MAGI3: variants seen among roughly 807,000 people sequenced by gnomAD.
MAGI3 encodes membrane associated guanylate kinase, WW and PDZ domain containing 3.
MAGI3 carries 43 observed loss-of-function variants against 121.8 expected under a neutral mutation model. That is an observed-to-expected ratio of 0.35 (90% CI 0.28 to 0.46). The LOEUF (loss-of-function observed/expected upper bound fraction) is 0.46. MAGI3 is among the 20% of genes least tolerant of loss of function. The pLI is 1.00. For synonymous variants in MAGI3, 553 were observed against 639.3 expected, an observed-to-expected ratio of 0.86 and a Z score of 2.04; for missense variants, 1,547 against 1,797.3, an observed-to-expected ratio of 0.86 and a Z score of 2.52.
chr1:113,493,367 T>TA (rs2101585518), intron 1 of MAGI3, among the ~76,000 whole-genome samples: 1 of 152,268 alleles, frequency 6.6e-6, no homozygotes, highest in Non-Finnish European at 1.5e-5. Flanking sequence ...ATGCCTTCCT[T>TA]ACACCACATA....
intron 7 of MAGI3, among the ~76,000 whole-genome samples, chr1:113,616,491 A>G (rs1650474960): frequency 6.6e-6 from 1 of 152,334 alleles, no homozygotes; most frequent in African/African-American, 2.4e-5. Flanking sequence ...GTCAAACCAG[A>G]TGGCACGATG....
chr1:113,478,011 GA>G (rs1369648405), intron 1 of MAGI3, among the ~76,000 whole-genome samples: 1 of 152,046 alleles, frequency 6.6e-6, no homozygotes, highest in Non-Finnish European at 1.5e-5. Flanking sequence ...TATTCCACTT[GA>G]TTGAATTAGC....
intron 1 of MAGI3, among the ~76,000 whole-genome samples, chr1:113,396,755 G>C (rs1317937973): frequency 6.6e-6 from 1 of 152,162 alleles, no homozygotes; most frequent in Admixed American, 6.6e-5. Context: ...TAGCACTGGC[G>C]ATATAAACAT....
intron 1 of MAGI3, among the ~76,000 whole-genome samples, chr1:113,509,355 CTT>C (rs763952179): frequency 3.9e-5 from 5 of 126,614 alleles, no homozygotes; most frequent in Non-Finnish European, 6.9e-5. Context: ...ATTATCTTTT[CTT>C]TTTTTTTTTT....
chr1:113,454,627 T>G (rs1654654809), intron 1 of MAGI3, among the ~76,000 whole-genome samples: 1 of 152,172 alleles, frequency 6.6e-6, no homozygotes, highest in Non-Finnish European at 1.5e-5. Context: ...GTATTTCTCC[T>G]AATGCTATCC....
intron 1 of MAGI3, among the ~76,000 whole-genome samples, chr1:113,547,184 T>G (rs1158392628): frequency 6.6e-6 from 1 of 152,110 alleles, no homozygotes; most frequent in Non-Finnish European, 1.5e-5. Flanking sequence ...TGTCCTTAAT[T>G]ATATCTAATT....
At chr1:113,417,389 G>C (rs1652511433) in intron 1 of MAGI3, among the ~76,000 whole-genome samples, 1 of 151,866 alleles carries the variant, frequency 6.6e-6, no homozygotes, top group Non-Finnish European at 1.5e-5. Flanking sequence ...CTTAAATTGG[G>C]GACCACATTT....
At chr1:113,485,026 C>T (rs1237155462) in intron 1 of MAGI3, among the ~76,000 whole-genome samples, 1 of 152,028 alleles carries the variant, frequency 6.6e-6, no homozygotes, top group African/African-American at 2.4e-5. Context: ...ACCACCACGC[C>T]TAACCCATAT....
intron 1 of MAGI3, among the ~76,000 whole-genome samples, chr1:113,545,058 G>GT (rs1659467089): frequency 6.7e-6 from 1 of 149,028 alleles, no homozygotes; most frequent in South Asian, 2.1e-4. Flanking sequence ...ACAAAATATA[G>GT]TTTTTTGTTT....
chr1:113,470,833 C>G (rs1358850651), intron 1 of MAGI3, among the ~76,000 whole-genome samples: 1 of 152,126 alleles, frequency 6.6e-6, no homozygotes, highest in Non-Finnish European at 1.5e-5. Context: ...ATAATACCCT[C>G]TAGGCTCATT....
chr1:113,601,697 T>G (rs1042821861), intron 6 of MAGI3, among the ~76,000 whole-genome samples: 1 of 143,284 alleles, frequency 7.0e-6, no homozygotes, highest in African/African-American at 2.6e-5. Flanking sequence ...AGAAATACCA[T>G]TTGACCCAGC....
At chr1:113,681,368 G>A (rs767114624) in intron 20 of MAGI3, 32 bp downstream of exon 20, 4 of 1,605,020 alleles carry the variant, frequency 2.5e-6, no homozygotes, top group African/African-American at 2.7e-5. Flanking sequence ...TAGCTGAAAA[G>A]TTGTATATTA....
At chr1:113,473,266 A>AT (rs1341005578) in intron 1 of MAGI3, among the ~76,000 whole-genome samples, 3 of 151,064 alleles carry the variant, frequency 2.0e-5, no homozygotes, top group East Asian at 1.9e-4. Flanking sequence ...TTATTTATTT[A>AT]TTTTTTTATT....
rs1648339399 is a variant in MAGI3 at position 113,683,404 on chromosome 1, G to A, written c.3836G>A (p.Cys1279Tyr). 1 of 1,613,964 alleles carries A rather than the reference G, an allele frequency of 6.2e-7. No individual in the cohort carries two copies. Among genetic ancestry groups the A allele is most frequent in the East Asian group, 2.2e-5 (1 of 44,884 alleles). The change falls in exon 21 of 21, where the codon TGC (cysteine) becomes TAC (tyrosine). Residue 1279 changes from cysteine (C) to tyrosine (Y), a missense_variant. Coordinates refer to ENST00000307546, the MANE Select transcript of MAGI3 (RefSeq NM_001142782.2). ...AGGGCAGGCTCTGGACAAGATCAGT[G>A]CAGAAAAAGCAGAGGTCGGTCGGCC... ...STRAGSGQDQCRKSRGRSASP... is the reference protein window; with the variant it reads ...STRAGSGQDQYRKSRGRSASP...
chr1:113,651,850 AT>A (rs2100983875), intron 14 of MAGI3, among the ~76,000 whole-genome samples: 1 of 152,306 alleles, frequency 6.6e-6, no homozygotes, highest in South Asian at 2.1e-4. Flanking sequence ...ATACCAAGAT[AT>A]CCCACTAGCT....
At chr1:113,475,505 G>A (rs1429151510) in intron 1 of MAGI3, among the ~76,000 whole-genome samples, 5 of 152,092 alleles carry the variant, frequency 3.3e-5, no homozygotes, top group Non-Finnish European at 5.9e-5. Flanking sequence ...TGGTTTTGTC[G>A]TTGGTTCTGT....
chr1:113,416,596 A>G (rs1279014191), intron 1 of MAGI3, among the ~76,000 whole-genome samples: 1 of 149,242 alleles, frequency 6.7e-6, no homozygotes, highest in African/African-American at 2.5e-5. Context: ...CAAATTTCCC[A>G]GGATAGGTAG....
At chr1:113,564,734 A>G (rs1289033587) in intron 2 of MAGI3, among the ~76,000 whole-genome samples, 1 of 152,322 alleles carries the variant, frequency 6.6e-6, no homozygotes, top group East Asian at 1.9e-4. Flanking sequence ...AAGCATTAAC[A>G]CAAAATAAAT....
chr1:113,524,006 G>A (rs1658331907), intron 1 of MAGI3, among the ~76,000 whole-genome samples: 1 of 152,156 alleles, frequency 6.6e-6, no homozygotes, highest in African/African-American at 2.4e-5. Flanking sequence ...CACTCCAGCT[G>A]TGACTAAAAG....
Sources: gnomAD v4.1 joint callset for allele counts (sites outside exome capture counted in the v4.1 genomes callset) on GRCh38, gnomAD v4.1.1 for gene constraint, MANE v1.5 for transcripts, NCBI Gene and HGNC (gene_info 2026-07-23, HGNC 2026-07-21) for gene names.